The following FUT8 variants were observed in gnomAD, a reference collection of about 807,000 sequenced individuals.
The protein encoded by FUT8 is fucosyltransferase 8.
Under a neutral mutation model 71.3 loss-of-function variants are expected in FUT8, and 29 were observed. That is an observed-to-expected ratio of 0.41 (90% confidence interval 0.30 to 0.55). FUT8 has a LOEUF of 0.55. Ranked by LOEUF, FUT8 falls within the 20% of genes least tolerant of loss-of-function variation. The pLI, the probability that FUT8 is intolerant of heterozygous loss-of-function variation, is 0.34. For synonymous variants in FUT8, 254 were observed against 239.3 expected (o/e 1.06, Z -0.57); for missense variants, 544 against 702.1 (o/e 0.77, Z 2.55).
the FUT8 span, among the ~76,000 whole-genome samples, chr14:65,387,578 A>G: frequency 6.6e-6 from 1 of 152,198 alleles, no homozygotes; most frequent in African/African-American, 2.4e-5. Context: ...AGTTATCAAC[A>G]GTTGTTGAGT....
At chr14:65,585,126 T>C (rs1038702666) in intron 3 of FUT8, among the ~76,000 whole-genome samples, 1 of 152,150 alleles carries the variant, frequency 6.6e-6, no homozygotes, top group Non-Finnish European at 1.5e-5. Context: ...ATTTGCCCCC[T>C]CCCCATTTTA....
intron 10 of FUT8, among the ~76,000 whole-genome samples, chr14:65,738,140 T>A (rs1029660450): frequency 6.6e-6 from 1 of 152,148 alleles, no homozygotes; most frequent in Non-Finnish European, 1.5e-5. Flanking sequence ...TGCTGTACAG[T>A]GCAGCTGTTA....
At chr14:65,554,142 A>G (rs953208207) in intron 2 of FUT8, among the ~76,000 whole-genome samples, 10 of 151,990 alleles carry the variant, frequency 6.6e-5, no homozygotes, top group South Asian at 4.2e-4. Flanking sequence ...AATAATATCT[A>G]TTTACCTCTC....
intron 2 of FUT8, among the ~76,000 whole-genome samples, chr14:65,465,254 C>T (rs2066025485): frequency 6.6e-6 from 1 of 152,078 alleles, no homozygotes; most frequent in African/African-American, 2.4e-5. Context: ...ATTAATTTTA[C>T]CTTTCTTCTT....
At chr14:65,512,754 C>T (rs1336185595) in intron 2 of FUT8, among the ~76,000 whole-genome samples, 2 of 151,498 alleles carry the variant, frequency 1.3e-5, no homozygotes, top group African/African-American at 2.4e-5. Context: ...ATTAAAAATA[C>T]AAAAATTAGC....
intron 3 of FUT8, among the ~76,000 whole-genome samples, chr14:65,578,825 G>C (rs12887134): frequency 0.35 from 53,539 of 152,042 alleles, 11,729 homozygotes; most frequent in Non-Finnish European, 0.49. Flanking sequence ...ATGTAAAATA[G>C]CACACTATGC....
chr14:65,487,697 C>T (rs2066430170), intron 2 of FUT8, among the ~76,000 whole-genome samples: 1 of 151,718 alleles, frequency 6.6e-6, no homozygotes, highest in African/African-American at 2.4e-5. Context: ...TTATCTTGCT[C>T]ATGATTTTAG....
intron 2 of FUT8, among the ~76,000 whole-genome samples, chr14:65,504,797 G>T (rs1305562591): frequency 2.0e-5 from 3 of 152,064 alleles, no homozygotes; most frequent in African/African-American, 7.2e-5. Flanking sequence ...CAGGTGATCT[G>T]CCCGCCTTGG....
At chr14:65,398,243 C>T in the FUT8 span, among the ~76,000 whole-genome samples, 1 of 152,142 alleles carries the variant, frequency 6.6e-6, no homozygotes, top group Non-Finnish European at 1.5e-5. Context: ...TCACTGCAGC[C>T]TTGACCTCTG....
At chr14:65,696,508 T>G (rs1324800857) in intron 7 of FUT8, among the ~76,000 whole-genome samples, 1 of 152,168 alleles carries the variant, frequency 6.6e-6, no homozygotes, top group Non-Finnish European at 1.5e-5. Flanking sequence ...TTTGAATATG[T>G]TATTCTTAGG....
In FUT8 at chr14:65,510,136, A is replaced by G. The variant is rs528941467; in HGVS notation, c.-227-51201A>G. ...TATACTCATGTTTTTGAGGGTTTTTATTAGAAGGGATGTTGAATTTTATCA... is the reference window on the plus strand; with the variant it reads ...TATACTCATGTTTTTGAGGGTTTTTGTTAGAAGGGATGTTGAATTTTATCA... On this transcript the variant is annotated intron_variant, in intron 2 of 10. Coordinates refer to ENST00000673929, the MANE Select transcript of FUT8 (RefSeq NM_001371533.1). Among the ~76,000 whole-genome samples, 207 of 152,112 alleles carry G rather than the reference A, an allele frequency of 1.4e-3. 2 individuals carry two copies. The highest frequency in any genetic ancestry group is 4.6e-3 in the African/African-American group (190 of 41,518).
the FUT8 span, among the ~76,000 whole-genome samples, chr14:65,359,115 C>T: frequency 2.0e-5 from 3 of 152,016 alleles, no homozygotes; most frequent in African/African-American, 7.2e-5. Context: ...GGGGCACTGA[C>T]TTTTGAAGAG....
chr14:65,361,803 C>CAAATAAATAAATAAAT, the FUT8 span, among the ~76,000 whole-genome samples: 3 of 150,110 alleles, frequency 2.0e-5, no homozygotes, highest in East Asian at 2.0e-4. Context: ...AACAAACAAA[C>CAAATAAATAAATAAAT]AAACAAATAA....
At chr14:65,423,506 C>T (rs1256653707) in intron 1 of FUT8, among the ~76,000 whole-genome samples, 1 of 152,124 alleles carries the variant, frequency 6.6e-6, no homozygotes, top group Non-Finnish European at 1.5e-5. Flanking sequence ...TCGTGATCCG[C>T]CTGCCTCGGC....
intron 1 of FUT8, among the ~76,000 whole-genome samples, chr14:65,447,420 T>G (rs1175674097): frequency 1.3e-5 from 2 of 152,100 alleles, no homozygotes; most frequent in Non-Finnish European, 2.9e-5. Context: ...CATTTTATGT[T>G]GAAGAGTTAT....
rs1221032518 is a variant in FUT8 at position 65,547,298 on chromosome 14, AC to A, written c.-227-14038del. On this transcript the variant is annotated intron_variant, in intron 2 of 10. Transcript: ENST00000673929. ...TACGTATTTCACCAAACTTTCAAAT[AC>A]TTTTATACCTCTTGAGGTATAATAT... Among the ~76,000 whole-genome samples, 3 of 151,626 alleles carry A rather than the reference AC, an allele frequency of 2.0e-5. No homozygotes were observed. In the East Asian group the frequency reaches 5.8e-4, roughly 29 times the overall value.
At chr14:65,596,817 G>A (rs1317715102) in intron 3 of FUT8, among the ~76,000 whole-genome samples, 1 of 151,918 alleles carries the variant, frequency 6.6e-6, no homozygotes, top group Non-Finnish European at 1.5e-5. Flanking sequence ...TTCCAAGCAT[G>A]GTCTATCTAA....
intron 3 of FUT8, among the ~76,000 whole-genome samples, chr14:65,587,476 A>G (rs1887454924): frequency 1.3e-5 from 2 of 152,246 alleles, no homozygotes; most frequent in Non-Finnish European, 1.5e-5. Context: ...GAGCAGTGCC[A>G]TATGTAGCCA....
In FUT8 at chr14:65,742,154, A is replaced by G. The variant is rs1313107927; in HGVS notation, c.1472A>G (p.His491Arg). 6.8e-6 allele frequency: 11 copies of G among 1,613,108 alleles called. No homozygotes were observed. Among genetic ancestry groups the G allele is most frequent in the Non-Finnish European group, 8.5e-6 (10 of 1,179,390 alleles). Residue 491 changes from histidine (H) to arginine (R), a missense_variant, in exon 11 of 11, where the codon CAT (histidine) becomes CGT (arginine). By Grantham distance (29) the His-to-Arg change is conservative. Transcript: ENST00000673929. Reference sequence around the variant, plus strand: ...CATCCTGATGCCTCTGCAAACTTCCATTCTTTAGATGACATCTACTATTTT... The same window carrying G: ...CATCCTGATGCCTCTGCAAACTTCCGTTCTTTAGATGACATCTACTATTTT... ...TLHPDASANFHSLDDIYYFGG... is the reference protein window; with the variant it reads ...TLHPDASANFRSLDDIYYFGG...
Sources: gnomAD v4.1 joint callset for allele counts (sites outside exome capture counted in the v4.1 genomes callset) on GRCh38, gnomAD v4.1.1 for gene constraint, MANE v1.5 for transcripts, NCBI Gene and HGNC (gene_info 2026-07-23, HGNC 2026-07-21) for gene names.